PKHD1: variants seen among roughly 807,000 people sequenced by gnomAD.
PKHD1 encodes fibrocystin.
PKHD1 carries 291 observed loss-of-function variants against 412.0 expected under a neutral mutation model. The observed-to-expected ratio is 0.71, with a 90% CI of 0.64 to 0.78. The LOEUF is 0.78. Ranked by LOEUF, PKHD1 falls within the 30% of genes least tolerant of loss-of-function variation. The pLI, the probability that PKHD1 is intolerant of heterozygous loss-of-function variation, is 0.00. For synonymous variants in PKHD1, 1,777 were observed against 1,821.5 expected (o/e 0.98, Z 0.62); for missense variants, 4,825 against 4,950.7 (o/e 0.97, Z 0.76).
At chr6:51,849,852 A>T (rs138190023) in intron 49 of PKHD1, among the ~76,000 whole-genome samples, 18 of 151,958 alleles carry the variant, frequency 1.2e-4, no homozygotes, top group Non-Finnish European at 2.4e-4. Flanking sequence ...TTGCTTGTTC[A>T]CTCTGATGAT....
At chr6:51,742,570 C>G (rs994446578) in intron 60 of PKHD1, among the ~76,000 whole-genome samples, 2 of 152,150 alleles carry the variant, frequency 1.3e-5, no homozygotes, top group Admixed American at 6.5e-5. Context: ...CTGAAGGCCT[C>G]AGTTCATTCT....
intron 60 of PKHD1, among the ~76,000 whole-genome samples, chr6:51,739,041 T>C (rs1163814105): frequency 6.8e-6 from 1 of 148,090 alleles, no homozygotes; most frequent in African/African-American, 2.4e-5. Context: ...TATATATATA[T>C]ATTTTTTATT....
chr6:51,679,354 T>C (rs1167831291), intron 60 of PKHD1, among the ~76,000 whole-genome samples: 5 of 152,064 alleles, frequency 3.3e-5, no homozygotes, highest in South Asian at 2.1e-4. Context: ...GGAAACAGCT[T>C]GTTTTGTTAC....
At chr6:51,831,206 T>G (rs1768190824) in intron 51 of PKHD1, among the ~76,000 whole-genome samples, 1 of 152,184 alleles carries the variant, frequency 6.6e-6, no homozygotes, top group Non-Finnish European at 1.5e-5. Context: ...TTTGTTATTA[T>G]ACATCTGTTT....
Position 51,874,964 on chromosome 6 carries a change from T to C in PKHD1, c.7351-4325A>G, listed in dbSNP as rs1453419415. Among the ~76,000 whole-genome samples the C allele has an allele frequency of 9.4e-5, 7 of 74,142 alleles. 1 individual carries two copies. The highest frequency in any genetic ancestry group is 4.1e-4 in the African/African-American group (7 of 17,088). 48.6% of individuals were successfully genotyped at this position (74,142 alleles called of 152,430 possible). A position where few individuals can be genotyped will look rare whatever the true frequency, so the allele number is the denominator to read the frequency against. ...TGCCTCACCTGGGAAGCGCAAGGGGTCAGGGAGTTCCCTTTCCGAGTCAAA... is the reference window on the plus strand; with the variant it reads ...TGCCTCACCTGGGAAGCGCAAGGGGCCAGGGAGTTCCCTTTCCGAGTCAAA... On this transcript the variant is annotated intron_variant, in intron 46 of 66. Coordinates refer to ENST00000371117, the MANE Select transcript of PKHD1 (RefSeq NM_138694.4).
intron 43 of PKHD1, among the ~76,000 whole-genome samples, chr6:51,892,722 C>G (rs1278094464): frequency 6.6e-6 from 1 of 152,134 alleles, no homozygotes. Flanking sequence ...TACTAGGAAA[C>G]TATTGATATC....
chr6:51,944,127 C>G (rs1454381827), intron 36 of PKHD1, among the ~76,000 whole-genome samples: 1 of 152,136 alleles, frequency 6.6e-6, no homozygotes. Flanking sequence ...CATTCCACCA[C>G]AAAAGAAGTG....
intron 37 of PKHD1, among the ~76,000 whole-genome samples, chr6:51,923,518 G>GA (rs200800178): frequency 0.011 from 1,471 of 136,788 alleles, 25 homozygotes; most frequent in East Asian, 0.069. Flanking sequence ...TGAAAAAAAA[G>GA]AAAAAAAAAA....
intron 60 of PKHD1, chr6:51,721,278 C>T: frequency 1.1e-6 from 1 of 927,338 alleles, no homozygotes; most frequent in Non-Finnish European, 1.3e-6. Flanking sequence ...AATAAACTTA[C>T]ATTTATGTTC....
At chr6:51,760,017 G>GA (rs1159275819) in intron 55 of PKHD1, among the ~76,000 whole-genome samples, 1 of 151,670 alleles carries the variant, frequency 6.6e-6, no homozygotes, top group Admixed American at 6.6e-5. Flanking sequence ...TCTAACATAT[G>GA]AAAAAAAATC....
At position 51,630,051 on chromosome 6, in the gene PKHD1, C is replaced by T. The variant is rs117603959; in HGVS notation, c.11665+2514G>A. ...TATGTCAACGTTGAGAAGATCTTCACGACTCCGTGAAACAATATTTTCAAA... is the reference window on the plus strand; with the variant it reads ...TATGTCAACGTTGAGAAGATCTTCATGACTCCGTGAAACAATATTTTCAAA... On this transcript the variant is annotated intron_variant, in intron 65 of 66. Transcript: ENST00000371117. 1.1e-4 allele frequency among the ~76,000 whole-genome samples: 17 copies of T among 152,174 alleles called. 1 individual carries two copies. The East Asian group carries it at 1.9e-3, about 17-fold the overall frequency.
At chr6:51,718,914 T>C (rs1172644415) in intron 60 of PKHD1, among the ~76,000 whole-genome samples, 1 of 152,194 alleles carries the variant, frequency 6.6e-6, no homozygotes, top group Non-Finnish European at 1.5e-5. Flanking sequence ...ATCATTTAAG[T>C]ACCTATAATA....
chr6:51,836,436 C>G lies in PKHD1; in HGVS notation c.8141G>C (p.Arg2714Pro), dbSNP rs371665285. 1.2e-6 allele frequency: 2 copies of G among 1,613,208 alleles called. No homozygotes were observed. Among genetic ancestry groups the G allele is most frequent in the Admixed American group, 1.7e-5 (1 of 59,982 alleles). Residue 2714 changes from arginine to proline, a missense_variant, in exon 51 of 67, where the codon CGG becomes CCG. Arg to Pro is a moderately radical substitution (Grantham distance 103). Coordinates refer to ENST00000371117, the MANE Select transcript of PKHD1 (RefSeq NM_138694.4). ...SGEGQVQVIL[R>P]VKEGMPPTIS... ...AGTTGGGGGCATACCTTCCTTCACC[C>G]GGAGAATGACTTGAACTTGGCCTTC...
chr6:51,672,970 T>G (rs1024403069), intron 60 of PKHD1, among the ~76,000 whole-genome samples: 2 of 152,214 alleles, frequency 1.3e-5, no homozygotes, highest in African/African-American at 4.8e-5. Context: ...GCATACCTGA[T>G]AGAAATACTA....
intron 35 of PKHD1, among the ~76,000 whole-genome samples, chr6:51,980,624 G>A (rs184051766): frequency 8.4e-4 from 128 of 152,324 alleles, no homozygotes; most frequent in African/African-American, 2.4e-3. Flanking sequence ...AATGAGACAG[G>A]CTTGTTTCTT....
chr6:51,934,437 T>A, intron 36 of PKHD1, 115 bp from the exon 37 acceptor site: 1 of 735,800 alleles, frequency 1.4e-6, no homozygotes, highest in Non-Finnish European at 2.5e-6. Context: ...AATGTAGACT[T>A]ATTTTATCAT....
chr6:51,627,216 T>C, intron 65 of PKHD1, 100 bp from the exon 66 acceptor site: 3 of 1,036,286 alleles, frequency 2.9e-6, no homozygotes, highest in Non-Finnish European at 4.5e-6. Flanking sequence ...CCCAAAATTA[T>C]CATACACATG....
intron 60 of PKHD1, among the ~76,000 whole-genome samples, chr6:51,673,780 T>C (rs2150519509): frequency 6.6e-6 from 1 of 152,182 alleles, no homozygotes; most frequent in South Asian, 2.1e-4. Context: ...ACCTTAAGGA[T>C]TGAGTGTGTG....
chr6:52,017,484 T>A lies in PKHD1; in HGVS notation c.5526A>T (p.Glu1842Asp). 1 of 1,614,182 alleles carries A rather than the reference T, an allele frequency of 6.2e-7. No homozygotes were observed. Among genetic ancestry groups the A allele is most frequent in the Non-Finnish European group, 8.5e-7 (1 of 1,179,982 alleles). The change falls in exon 34 of 67, where the codon GAA becomes GAT. Residue 1842 changes from glutamate (E) to aspartate (D), a missense_variant. Coordinates refer to ENST00000371117, the MANE Select transcript of PKHD1 (RefSeq NM_138694.4). ...CTGGCACAAAGAGGCATTGGGAACTTTCCTCGCAAATGTAGAGGTAAGGCC... is the reference window on the plus strand; with the variant it reads ...CTGGCACAAAGAGGCATTGGGAACTATCCTCGCAAATGTAGAGGTAAGGCC... ...ESWPYLYICE[E>D]SSQCLFVPDH...
Sources: allele counts gnomAD v4.1 joint callset (sites outside exome capture counted in the v4.1 genomes callset), GRCh38; gene constraint gnomAD v4.1.1; transcripts MANE v1.5; gene names NCBI Gene and HGNC (gene_info 2026-07-23, HGNC 2026-07-21).